The following TMEM233 variants were observed in gnomAD, a reference collection of about 807,000 sequenced individuals.
The protein encoded by TMEM233 is transmembrane protein 233.
Under a neutral mutation model 11.2 loss-of-function variants are expected in TMEM233, and 6 were observed. The observed-to-expected ratio is 0.54, with a 90% CI of 0.29 to 1.06. TMEM233 has a LOEUF of 1.06. TMEM233 is among the 50% of genes least tolerant of loss of function. The pLI, the probability that TMEM233 is intolerant of heterozygous loss-of-function variation, is 0.08. For synonymous variants in TMEM233, 59 were observed against 55.8 expected, an observed-to-expected ratio of 1.06 and a Z score of -0.26; for missense variants, 127 against 144.7, an observed-to-expected ratio of 0.88 and a Z score of 0.63.
intron 1 of TMEM233, among the ~76,000 whole-genome samples, chr12:119,620,946 C>A (rs1379822558): frequency 1.3e-5 from 2 of 151,984 alleles, no homozygotes; most frequent in Non-Finnish European, 2.9e-5. Flanking sequence ...AGTGGTTCAA[C>A]CATAGCTCAC....
At chr12:119,621,190 A>G (rs1954634264) in intron 1 of TMEM233, among the ~76,000 whole-genome samples, 1 of 152,082 alleles carries the variant, frequency 6.6e-6, no homozygotes, top group Non-Finnish European at 1.5e-5. Context: ...CTGGGACTAC[A>G]AGCATGTGCC....
the TMEM233 span, among the ~76,000 whole-genome samples, chr12:119,648,977 G>A: frequency 1.6e-4 from 24 of 152,138 alleles, no homozygotes; most frequent in African/African-American, 5.5e-4. Flanking sequence ...AATGAAAATC[G>A]ACTTATACCA....
chr12:119,612,291 C>T (rs1954415947), intron 1 of TMEM233, among the ~76,000 whole-genome samples: 1 of 152,032 alleles, frequency 6.6e-6, no homozygotes, highest in Non-Finnish European at 1.5e-5. Context: ...CTGCGCCCAG[C>T]CCTGTGCATA....
chr12:119,636,049 G>T (rs1001853066), intron 2 of TMEM233, among the ~76,000 whole-genome samples: 1 of 152,128 alleles, frequency 6.6e-6, no homozygotes, highest in Non-Finnish European at 1.5e-5. Context: ...ACTGGCCATT[G>T]GTGCCCAACT....
At chr12:119,628,031 G>T (rs1954798658) in intron 1 of TMEM233, among the ~76,000 whole-genome samples, 1 of 152,220 alleles carries the variant, frequency 6.6e-6, no homozygotes, top group Admixed American at 6.5e-5. Context: ...CTGCAGCACT[G>T]CCCTGAGCTG....
At chr12:119,601,568 G>A (rs1355798848) in intron 1 of TMEM233, among the ~76,000 whole-genome samples, 3 of 150,676 alleles carry the variant, frequency 2.0e-5, no homozygotes, top group Non-Finnish European at 2.9e-5. Flanking sequence ...TAAGGCAGGA[G>A]AATGGCGTGA....
At chr12:119,599,323 G>A (rs1026205299) in intron 1 of TMEM233, among the ~76,000 whole-genome samples, 1 of 152,050 alleles carries the variant, frequency 6.6e-6, no homozygotes, top group Non-Finnish European at 1.5e-5. Flanking sequence ...ATAAATTCTT[G>A]AGAGGATGGA....
chr12:119,630,726 T>C (rs1954862324), intron 2 of TMEM233, among the ~76,000 whole-genome samples: 1 of 152,226 alleles, frequency 6.6e-6, no homozygotes, highest in Non-Finnish European at 1.5e-5. Context: ...AGGCTTACAT[T>C]GACTGAAATC....
chr12:119,643,245 CT>C (rs141336981), downstream of TMEM233, among the ~76,000 whole-genome samples: 2,790 of 152,266 alleles, frequency 0.018, 92 homozygotes, highest in African/African-American at 0.064. Flanking sequence ...AAATGTCCCT[CT>C]ATGAGGCACT....
At chr12:119,648,621 A>G in the TMEM233 span, among the ~76,000 whole-genome samples, 2 of 152,188 alleles carry the variant, frequency 1.3e-5, no homozygotes, top group Non-Finnish European at 2.9e-5. Context: ...ACCATTTAAT[A>G]TCTGTCTTTC....
intron 2 of TMEM233, among the ~76,000 whole-genome samples, chr12:119,630,219 T>C (rs2136775748): frequency 6.6e-6 from 1 of 152,366 alleles, no homozygotes; most frequent in Non-Finnish European, 1.5e-5. Context: ...TATAAAGAAA[T>C]ACCTCAGACT....
intron 2 of TMEM233, 86 bp downstream of exon 2, chr12:119,629,958 C>A: frequency 7.1e-7 from 1 of 1,401,838 alleles, no homozygotes; most frequent in Non-Finnish European, 9.5e-7. Flanking sequence ...TTAGGTTATG[C>A]TCCAGTAACA....
chr12:119,618,600 G>C (rs1200584832), intron 1 of TMEM233, among the ~76,000 whole-genome samples: 1 of 152,230 alleles, frequency 6.6e-6, no homozygotes. Flanking sequence ...TGGAGTCAAA[G>C]GGGATCATTT....
chr12:119,617,111 G>A (rs1317812557), intron 1 of TMEM233, among the ~76,000 whole-genome samples: 1 of 152,154 alleles, frequency 6.6e-6, no homozygotes, highest in Non-Finnish European at 1.5e-5. Context: ...AGCAACTTTG[G>A]AACTGGGTAA....
chr12:119,623,048 A>T (rs1444027182), intron 1 of TMEM233, among the ~76,000 whole-genome samples: 5 of 152,166 alleles, frequency 3.3e-5, no homozygotes, highest in Non-Finnish European at 5.9e-5. Flanking sequence ...GTCACCAAGC[A>T]CAGCCTCTCT....
Position 119,593,797 on chromosome 12 carries a change from G to C in TMEM233, c.-52G>C, listed in dbSNP as rs1326634283. ...CCACAAGCCGGCGGCCAGAGCCCCA[G>C]ACCACACAGACCGTGCGCTCCTCCG... On this transcript the variant is annotated 5_prime_UTR_variant, in exon 1 of 3. Coordinates refer to ENST00000426426, the MANE Select transcript of TMEM233 (RefSeq NM_001136534.3). The surrounding 1 kb of genome is among the most constrained non-coding windows in gnomAD (Gnocchi z 4.1). 9 of 1,528,080 alleles carry C rather than the reference G, an allele frequency of 5.9e-6. No homozygotes were observed. In the East Asian group the frequency reaches 7.4e-5, roughly 13 times the overall value. The allele number at this position is 1,528,080 out of a possible 1,614,324, so 94.7% of individuals were successfully genotyped here. A position where few individuals can be genotyped will look rare whatever the true frequency, so the allele number is the denominator to read the frequency against.
intron 2 of TMEM233, 36 bp downstream of exon 2, chr12:119,629,908 C>A (rs140338875): frequency 2.6e-6 from 4 of 1,537,750 alleles, no homozygotes; most frequent in Non-Finnish European, 3.5e-6. Flanking sequence ...CCATGTCAAA[C>A]GCCCTTTCTC....
chr12:119,651,157 A>C, the TMEM233 span, among the ~76,000 whole-genome samples: 1 of 152,218 alleles, frequency 6.6e-6, no homozygotes, highest in Non-Finnish European at 1.5e-5. Context: ...CAGTTCTCAC[A>C]ATGGAAAATT....
chr12:119,597,172 C>T (rs1001578995), intron 1 of TMEM233, among the ~76,000 whole-genome samples: 3 of 152,170 alleles, frequency 2.0e-5, no homozygotes, highest in East Asian at 1.9e-4. Flanking sequence ...TTCTGCCAGG[C>T]GTTTGCTTCC....
Sources: allele counts gnomAD v4.1 joint callset (sites outside exome capture counted in the v4.1 genomes callset), GRCh38; gene constraint gnomAD v4.1.1; non-coding constraint Gnocchi (gnomAD v3.1); transcripts MANE v1.5; gene names NCBI Gene and HGNC (gene_info 2026-07-23, HGNC 2026-07-21).